Variants in MBOAT1 observed in about 807,000 individuals in gnomAD.
MBOAT1 encodes membrane bound glycerophospholipid O-acyltransferase 1, also known as membrane-bound glycerophospholipid O-acyltransferase 1.
MBOAT1 carries 67 observed loss-of-function variants against 64.4 expected under a neutral mutation model. The ratio of observed to expected loss-of-function variants is 1.04; its 90% CI spans 0.85 to 1.27. MBOAT1 has a LOEUF of 1.27. Among genes scored for constraint, MBOAT1 ranks in the 50% most tolerant of loss-of-function variants. The pLI is 0.00. For missense variants in MBOAT1, 563 were observed against 604.6 expected (o/e 0.93, Z 0.72); for synonymous variants, 229 against 218.9 (o/e 1.05, Z -0.41).
chr6:20,139,948 A>G (rs1198415578), intron 4 of MBOAT1, among the ~76,000 whole-genome samples: 1 of 152,132 alleles, frequency 6.6e-6, no homozygotes, highest in Non-Finnish European at 1.5e-5. Context: ...TGGTATACAC[A>G]GGGTTCCCCA....
chr6:20,143,009 C>T (rs1761222815), intron 4 of MBOAT1, among the ~76,000 whole-genome samples: 1 of 152,188 alleles, frequency 6.6e-6, no homozygotes, highest in Non-Finnish European at 1.5e-5. Context: ...AGTTGAGTTG[C>T]ACAACTTGCA....
chr6:20,189,157 G>C (rs2113753345), intron 1 of MBOAT1, among the ~76,000 whole-genome samples: 1 of 152,184 alleles, frequency 6.6e-6, no homozygotes, highest in East Asian at 1.9e-4. Flanking sequence ...GAATGCCTTA[G>C]GTCCTTAGGA....
chr6:20,116,107 C>T (rs1171521026), intron 9 of MBOAT1, among the ~76,000 whole-genome samples: 7 of 152,140 alleles, frequency 4.6e-5, no homozygotes, highest in African/African-American at 1.7e-4. Flanking sequence ...CGAGGCAGGC[C>T]GATCACCTGA....
intron 1 of MBOAT1, among the ~76,000 whole-genome samples, chr6:20,166,500 T>G (rs1762018384): frequency 6.6e-6 from 1 of 152,254 alleles, no homozygotes; most frequent in Middle Eastern, 3.4e-3. Context: ...ACTTCTCTCT[T>G]TGGGAGCCAG....
At chr6:20,102,844 T>C (rs889534956) in intron 12 of MBOAT1, among the ~76,000 whole-genome samples, 2 of 152,170 alleles carry the variant, frequency 1.3e-5, no homozygotes, top group African/African-American at 2.4e-5. Context: ...AAGATTATAA[T>C]AGAACTGAAA....
intron 1 of MBOAT1, among the ~76,000 whole-genome samples, chr6:20,180,696 G>T (rs1762483195): frequency 6.6e-6 from 1 of 152,176 alleles, no homozygotes; most frequent in African/African-American, 2.4e-5. Context: ...CTTTAAATAT[G>T]AATTTCTGGC....
At chr6:20,130,571 T>A (rs1398530257) in intron 5 of MBOAT1, among the ~76,000 whole-genome samples, 2 of 152,108 alleles carry the variant, frequency 1.3e-5, no homozygotes, top group African/African-American at 4.8e-5. Context: ...GTCAGGCTGA[T>A]CTCGAACTAC....
intron 12 of MBOAT1, among the ~76,000 whole-genome samples, chr6:20,105,739 G>A (rs116149831): frequency 0.021 from 3,187 of 152,208 alleles, 102 homozygotes; most frequent in African/African-American, 0.072. Flanking sequence ...TCACAATCGC[G>A]CCACTGCACT....
intron 1 of MBOAT1, among the ~76,000 whole-genome samples, chr6:20,199,861 G>A (rs1162683549): frequency 6.6e-6 from 1 of 152,118 alleles, no homozygotes; most frequent in Non-Finnish European, 1.5e-5. Flanking sequence ...CCAGCTACTT[G>A]GGAGGCTGAG....
rs189513066 is a variant in MBOAT1, at chr6:20,156,921, C to T, written c.100-4152G>A. Among the ~76,000 whole-genome samples, 657 of 152,224 alleles carry T rather than the reference C, an allele frequency of 4.3e-3. 3 individuals carry two copies. The highest frequency in any genetic ancestry group is 5.7e-3 in the Non-Finnish European group (389 of 68,020). ...TCTGCACAGCAAAAGAAACTACCAT[C>T]GGGGTTAACAGGCAACCTACAGAAT... On this transcript the variant is annotated intron_variant, in intron 1 of 12. Coordinates refer to ENST00000324607, the MANE Select transcript of MBOAT1 (RefSeq NM_001080480.3).
intron 11 of MBOAT1, among the ~76,000 whole-genome samples, chr6:20,111,346 A>T (rs577904818): frequency 6.6e-6 from 1 of 152,312 alleles, no homozygotes; most frequent in African/African-American, 2.4e-5. Context: ...GGGTCCACCC[A>T]TCAAGCAATG....
chr6:20,153,126 G>A (rs1172288842), intron 1 of MBOAT1, among the ~76,000 whole-genome samples: 5 of 152,186 alleles, frequency 3.3e-5, no homozygotes, highest in Admixed American at 3.3e-4. Context: ...GAGCCACCGC[G>A]CCCAGCCTTG....
At position 20,126,582 on chromosome 6, in the gene MBOAT1, T is replaced by G. The variant is rs767899963; in HGVS notation, c.649A>C (p.Met217Leu). The change falls in exon 7 of 13, where the codon ATG becomes CTG. Residue 217 changes from methionine (M) to leucine (L), a missense_variant. Coordinates refer to ENST00000324607, the MANE Select transcript of MBOAT1 (RefSeq NM_001080480.3). The part of the protein sequence containing the change: ...IAFIEGKHIH[M>L]KLLEVNWKRK... ...TTCCAGTTCACCTCCAGCAACTTCA[T>G]GTGTATATGCTTCCCCTCAATGAAG... 1 of 1,613,858 alleles carries G rather than the reference T, an allele frequency of 6.2e-7. No homozygotes were observed. The highest frequency in any genetic ancestry group is 8.5e-7 in the Non-Finnish European group (1 of 1,179,966).
intron 8 of MBOAT1, among the ~76,000 whole-genome samples, chr6:20,119,477 T>C (rs565408629): frequency 6.6e-6 from 1 of 152,326 alleles, no homozygotes; most frequent in Admixed American, 6.5e-5. Context: ...AAATCTTAGA[T>C]CTGGAGATCT....
At position 20,130,887 on chromosome 6, in the gene MBOAT1, T is replaced by C. The variant is rs139434977; in HGVS notation, c.475+257A>G. 2.2e-3 allele frequency among the ~76,000 whole-genome samples: 329 copies of C among 152,226 alleles called. 1 individual carries two copies. The highest frequency in any genetic ancestry group is 7.1e-3 in the African/African-American group (293 of 41,530). ...CACAAATTAACTTAAATTTAAAACA[T>C]TGTAAAGATAAACAGAAAACACAGA... On this transcript the variant is annotated intron_variant, in intron 5 of 12. Coordinates refer to ENST00000324607, the MANE Select transcript of MBOAT1 (RefSeq NM_001080480.3).
chr6:20,187,198 A>G (rs1256224653), intron 1 of MBOAT1, among the ~76,000 whole-genome samples: 3 of 152,224 alleles, frequency 2.0e-5, no homozygotes, highest in African/African-American at 7.2e-5. Flanking sequence ...ACATTTACTG[A>G]TTCTGAAGGA....
intron 8 of MBOAT1, among the ~76,000 whole-genome samples, chr6:20,119,620 T>G (rs1760432610): frequency 6.6e-6 from 1 of 152,214 alleles, no homozygotes; most frequent in Non-Finnish European, 1.5e-5. Context: ...ACTGCTTATC[T>G]TACGCTTGGC....
intron 4 of MBOAT1, among the ~76,000 whole-genome samples, chr6:20,136,210 G>A (rs191169325): frequency 6.5e-4 from 99 of 152,278 alleles, no homozygotes; most frequent in African/African-American, 2.1e-3. Flanking sequence ...CAGAGATCAC[G>A]CCTCTGGACT....
chr6:20,189,979 T>G (rs796601061), intron 1 of MBOAT1, among the ~76,000 whole-genome samples: 18 of 146,894 alleles, frequency 1.2e-4, no homozygotes, highest in African/African-American at 4.5e-4. Context: ...AAGCTCTAAG[T>G]TTTTTTTTTT....
Sources: allele counts gnomAD v4.1 joint callset (sites outside exome capture counted in the v4.1 genomes callset), GRCh38; gene constraint gnomAD v4.1.1; transcripts MANE v1.5; gene names NCBI Gene and HGNC (gene_info 2026-07-23, HGNC 2026-07-21).